AVIL: variants seen among roughly 807,000 people sequenced by gnomAD.
AVIL encodes the protein advillin.
In AVIL, 78 loss-of-function variants were observed where a neutral mutation model predicts 109.9. The ratio of observed to expected loss-of-function variants is 0.71; its 90% CI spans 0.59 to 0.86. The LOEUF (loss-of-function observed/expected upper bound fraction) is 0.86, where lower values mean the gene tolerates loss of function less well. Ranked by LOEUF, AVIL falls within the 40% of genes least tolerant of loss-of-function variation. The pLI is 0.00. For missense variants in AVIL, 892 were observed against 1,016.5 expected (o/e 0.88, Z 1.67); for synonymous variants, 367 against 379.1 (o/e 0.97, Z 0.37).
chr12:57,817,876 A>G (rs1956116552), intron 1 of AVIL, among the ~76,000 whole-genome samples: 1 of 152,152 alleles, frequency 6.6e-6, no homozygotes. Flanking sequence ...CCTTCTCCCT[A>G]AATCCTAATT....
chr12:57,808,137 C>T (rs922245556), intron 11 of AVIL, 57 bp downstream of exon 11: 2 of 1,573,724 alleles, frequency 1.3e-6, no homozygotes, highest in African/African-American at 1.3e-5. Context: ...CTGCCCCCAG[C>T]AGGACAGCCA....
intron 17 of AVIL, 117 bp downstream of exon 17, chr12:57,802,043 T>G: frequency 8.5e-7 from 1 of 1,175,376 alleles, no homozygotes; most frequent in Non-Finnish European, 1.2e-6. Context: ...GGGATGGGAG[T>G]AGGGAAATGA....
At chr12:57,799,565 A>G (rs1009164328) in intron 19 of AVIL, among the ~76,000 whole-genome samples, 1 of 152,212 alleles carries the variant, frequency 6.6e-6, no homozygotes, top group African/African-American at 2.4e-5. Context: ...CTAGACTAGT[A>G]GCAGAGAAAT....
At position 57,811,082 on chromosome 12, in the gene AVIL, G is replaced by T; in HGVS notation, c.384C>A (p.Thr128=). 6.2e-7 allele frequency: 1 copy of T among 1,614,106 alleles called. No homozygotes were observed. The highest frequency in any genetic ancestry group is 8.5e-7 in the Non-Finnish European group (1 of 1,180,026). The part of the protein sequence containing the change: ...GVASGMKHVE[T]NTYDVKRLLH... ...GCAGCCGCTTCACGTCGTAGGTATT[G>T]GTCTCCACGTGCTTCATCCCAGAGG... Residue 128 remains threonine (T), a synonymous_variant, in exon 5 of 20, where the codon ACC becomes ACA. Coordinates refer to ENST00000549994, the MANE Select transcript of AVIL (RefSeq NM_006576.4).
intron 1 of AVIL, among the ~76,000 whole-genome samples, chr12:57,817,880 C>G (rs1956116580): frequency 6.6e-6 from 1 of 152,190 alleles, no homozygotes; most frequent in Non-Finnish European, 1.5e-5. Context: ...CTCCCTAAAT[C>G]CTAATTCAGT....
chr12:57,802,006 AGAG>A (rs1418571699), intron 17 of AVIL, among the ~76,000 whole-genome samples, 151 bp downstream of exon 17: 1 of 152,334 alleles, frequency 6.6e-6, no homozygotes, highest in Non-Finnish European at 1.5e-5. Context: ...CAGGTGAAAA[AGAG>A]GAGAAAAGTA....
rs1367969459 is a variant in AVIL, at chr12:57,818,708, A to C, written c.-99T>G. 6.6e-6 allele frequency: 1 copy of C among 152,222 alleles called. No homozygotes were observed. Among genetic ancestry groups the C allele is most frequent in the Non-Finnish European group, 1.5e-5 (1 of 68,042 alleles). The allele number at this position is 152,222 out of a possible 1,614,324, so 9.4% of individuals were successfully genotyped here. Reference sequence around the variant, plus strand: ...TATTGAAGAACCACTCCAAAGCAGGAGGCTCCAGGTCCTGCTGCCTTAGCT... The same window carrying C: ...TATTGAAGAACCACTCCAAAGCAGGCGGCTCCAGGTCCTGCTGCCTTAGCT... On this transcript the variant is annotated 5_prime_UTR_variant, in exon 1 of 20. Coordinates refer to ENST00000549994, the MANE Select transcript of AVIL (RefSeq NM_006576.4).
At chr12:57,799,685 C>T in intron 19 of AVIL, 110 bp downstream of exon 19, 2 of 1,478,390 alleles carry the variant, frequency 1.4e-6, no homozygotes, top group Non-Finnish European at 1.8e-6. Flanking sequence ...GCTCAGATGT[C>T]CATTGAGCGG....
In AVIL at chr12:57,797,463, G is replaced by A. The variant is rs1412921953; in HGVS notation, c.*419C>T. The A allele has an allele frequency of 1.0e-6, 1 of 985,286 alleles. No individual in the cohort carries two copies. The highest frequency in any genetic ancestry group is 1.2e-6 in the Non-Finnish European group (1 of 829,812). 61.0% of individuals were successfully genotyped at this position (985,286 alleles called of 1,614,324 possible). The stretch of plus-strand genomic sequence containing the variant: ...GGTATTTGGATTTTGCCTATGGAGT[G>A]CATATATGATTTCAATGATTTACAG... On this transcript the variant is annotated 3_prime_UTR_variant, in exon 20 of 20. Coordinates refer to ENST00000549994, the MANE Select transcript of AVIL (RefSeq NM_006576.4).
In AVIL at chr12:57,808,469, T is replaced by C; in HGVS notation, c.1019A>G (p.Lys340Arg). The C allele has an allele frequency of 6.2e-7, 1 of 1,614,202 alleles. No individual in the cohort carries two copies. Among genetic ancestry groups the C allele is most frequent in the Non-Finnish European group, 8.5e-7 (1 of 1,180,038 alleles). Residue 340 changes from lysine to arginine, a missense_variant, in exon 10 of 20, where the codon AAG becomes AGG. Coordinates refer to ENST00000549994, the MANE Select transcript of AVIL (RefSeq NM_006576.4). ...VNDGAESAMF[K>R]QLFQKWSVKD... The stretch of plus-strand genomic sequence containing the variant: ...TACTGACCACTTCTGGAACAGCTGC[T>C]TGAACATGGCCGACTCAGCACCATC...
At chr12:57,806,689 G>T in intron 13 of AVIL, 150 bp from the exon 14 acceptor site, 1 of 767,558 alleles carries the variant, frequency 1.3e-6, no homozygotes, top group Non-Finnish European at 2.1e-6. Context: ...GTAAGCTGGA[G>T]TTATGTCACC....
chr12:57,813,226 CAT>C lies in AVIL; in HGVS notation c.337_338del (p.Ile113LeufsTer48). The C allele has an allele frequency of 3.1e-6, 5 of 1,611,522 alleles. No individual in the cohort carries two copies. Among genetic ancestry groups the C allele is most frequent in the Non-Finnish European group, 4.2e-6 (5 of 1,178,048 alleles). The stretch of plus-strand genomic sequence containing the variant: ...TCCTTGCTCTGTGCACCCCTACTCA[CAT>C]GATGCCCTGCTTGAAGTAGCCACGG... Reference protein sequence around the residue: ...TFRGYFKQGIIYKQGGVASGM... With the variant: ...TFRGYFKQGIXYKQGGVASGM... On this transcript the variant is annotated frameshift_variant and splice_region_variant, in exon 4 of 20. Coordinates refer to ENST00000549994, the MANE Select transcript of AVIL (RefSeq NM_006576.4). LOFTEE classifies it high-confidence loss of function.
At chr12:57,803,817 C>T (rs1955898491) in intron 14 of AVIL, 148 bp from the exon 15 acceptor site, 2 of 1,145,112 alleles carry the variant, frequency 1.7e-6, no homozygotes, top group Non-Finnish European at 2.4e-6. Flanking sequence ...CAAGTTTGTT[C>T]TAGTGCTGGG....
intron 9 of AVIL, chr12:57,808,765 G>A (rs1325588139): frequency 1.8e-6 from 1 of 555,004 alleles, no homozygotes. Flanking sequence ...TTGGCTTGCG[G>A]TGATTATGGT....
rs1328932882 is a variant in AVIL, at chr12:57,797,775, A to T, written c.*107T>A. On this transcript the variant is annotated 3_prime_UTR_variant, in exon 20 of 20. Transcript: ENST00000549994. ...TGATTTGCAGACTCTATTATATCTA[A>T]ATTAAGTAGCTGAATGTCAGGCAGA... The T allele has an allele frequency of 3.2e-6, 3 of 929,370 alleles. No homozygotes were observed. The highest frequency in any genetic ancestry group is 1.5e-6 in the Non-Finnish European group (1 of 661,604). The allele number at this position is 929,370 out of a possible 1,614,324, so 57.6% of individuals were successfully genotyped here. A position where few individuals can be genotyped will look rare whatever the true frequency, so the allele number is the denominator to read the frequency against.
Position 57,797,937 on chromosome 12 carries a change from G to A in AVIL, c.2405C>T (p.Ala802Val), listed in dbSNP as rs865984760. The change falls in exon 20 of 20, where the codon GCA becomes GTA. Residue 802 changes from alanine (A) to valine (V), a missense_variant. By Grantham distance (64) the Ala-to-Val change is moderately conservative (BLOSUM62 0). Transcript: ENST00000549994. The part of the protein sequence containing the change: ...SVFGITRGQF[A>V]ALPGWKQLQM... ...GAGCTGTTTCCAGCCAGGCAGAGCT[G>A]CAAATTGCCCTCTTGTGATGCCAAA... 1.6e-5 allele frequency: 25 copies of A among 1,612,276 alleles called. No homozygotes were observed. The highest frequency in any genetic ancestry group is 2.1e-5 in the Non-Finnish European group (25 of 1,179,028).
intron 1 of AVIL, among the ~76,000 whole-genome samples, chr12:57,817,558 T>A (rs565995728): frequency 1.3e-5 from 2 of 151,946 alleles, no homozygotes; most frequent in Non-Finnish European, 2.9e-5. Context: ...CTTCAGACCC[T>A]ACGTAGCAGT....
chr12:57,815,538 A>G (rs1344927952), intron 2 of AVIL: 3 of 1,195,682 alleles, frequency 2.5e-6, no homozygotes, highest in African/African-American at 1.6e-5. Context: ...CCAAGAGGAG[A>G]CGGGCTGAAC....
chr12:57,803,690 G>T, intron 14 of AVIL, 21 bp from the exon 15 acceptor site: 1 of 1,610,870 alleles, frequency 6.2e-7, no homozygotes, highest in South Asian at 1.1e-5. Flanking sequence ...GGCGAGGAGA[G>T]CACAGATGTT....
Sources: gnomAD v4.1 joint callset for allele counts (sites outside exome capture counted in the v4.1 genomes callset) on GRCh38, gnomAD v4.1.1 for gene constraint, MANE v1.5 for transcripts, NCBI Gene and HGNC (gene_info 2026-07-23, HGNC 2026-07-21) for gene names.